AFTPH: variants seen among roughly 807,000 people sequenced by gnomAD.
AFTPH encodes aftiphilin protein.
In AFTPH, 7 loss-of-function variants were observed where a neutral mutation model predicts 72.5. That is an observed-to-expected ratio of 0.10 (90% CI 0.05 to 0.18). The LOEUF (loss-of-function observed/expected upper bound fraction) is 0.18, where lower values mean the gene tolerates loss of function less well. Among genes scored for constraint, AFTPH ranks in the 10% least tolerant of loss-of-function variants. The pLI, the probability that AFTPH is intolerant of heterozygous loss-of-function variation, is 1.00. For synonymous variants in AFTPH, 337 were observed against 370.1 expected, an observed-to-expected ratio of 0.91 and a Z score of 1.03; for missense variants, 979 against 1,060.5, an observed-to-expected ratio of 0.92 and a Z score of 1.07.
At chr2:64,539,753 TC>T (rs1406310178) in intron 1 of AFTPH, among the ~76,000 whole-genome samples, 1 of 152,100 alleles carries the variant, frequency 6.6e-6, no homozygotes, top group Admixed American at 6.5e-5. Flanking sequence ...TCATTTGAGC[TC>T]AAATAAAGTA....
chr2:64,564,856 A>T (rs13416068), intron 2 of AFTPH, among the ~76,000 whole-genome samples: 66,211 of 147,368 alleles, frequency 0.45, 15,305 homozygotes, highest in African/African-American at 0.61. Context: ...TTTTTTTTTT[A>T]AGACCAAGTC....
intron 1 of AFTPH, among the ~76,000 whole-genome samples, chr2:64,538,892 T>A (rs1276782941): frequency 1.3e-5 from 2 of 152,200 alleles, no homozygotes; most frequent in Non-Finnish European, 2.9e-5. Flanking sequence ...GGTGAGTTGC[T>A]CTCATGGTGG....
chr2:64,561,784 G>A (rs930330496), intron 2 of AFTPH, among the ~76,000 whole-genome samples: 1 of 152,160 alleles, frequency 6.6e-6, no homozygotes, highest in Non-Finnish European at 1.5e-5. Context: ...GCATTTATTT[G>A]TTACCTTCAT....
chr2:64,547,734 T>G (rs1010457460), intron 1 of AFTPH, among the ~76,000 whole-genome samples: 1 of 111,422 alleles, frequency 9.0e-6, no homozygotes, highest in Non-Finnish European at 1.7e-5. Context: ...AAGGTAGCTT[T>G]TGTATTCTTT....
At chr2:64,543,866 C>T (rs1344835218) in intron 1 of AFTPH, among the ~76,000 whole-genome samples, 1 of 152,198 alleles carries the variant, frequency 6.6e-6, no homozygotes, top group Non-Finnish European at 1.5e-5. Context: ...TCTTCTTTTC[C>T]ATGACCATTT....
chr2:64,578,888 T>C (rs1672992258), intron 6 of AFTPH: 1 of 152,276 alleles, frequency 6.6e-6, no homozygotes, highest in South Asian at 2.1e-4. Context: ...GTTTTTAAAA[T>C]TCTATGCTCG....
Position 64,569,766 on chromosome 2 carries a change from A to G in AFTPH, c.2271+87A>G, listed in dbSNP as rs140001544. On this transcript the variant is annotated intron_variant, in intron 5 of 8. Coordinates refer to ENST00000238856, the Ensembl canonical transcript of AFTPH. ...TTAAAATACACTTCTATGTCATGCTATATAAGAGACATTTAGTGTTGGAAT... is the reference window on the plus strand; with the variant it reads ...TTAAAATACACTTCTATGTCATGCTGTATAAGAGACATTTAGTGTTGGAAT... The G allele has an allele frequency of 1.8e-4, 223 of 1,230,702 alleles. 1 individual carries two copies. In the East Asian group the frequency reaches 3.6e-3, roughly 20 times the overall value. The allele number at this position is 1,230,702 out of a possible 1,614,324, so 76.2% of individuals were successfully genotyped here.
intron 1 of AFTPH, among the ~76,000 whole-genome samples, chr2:64,525,003 CCTT>C (rs1228866015): frequency 6.6e-6 from 1 of 152,238 alleles, no homozygotes; most frequent in Non-Finnish European, 1.5e-5. Context: ...TCTTCGCTCT[CCTT>C]CCCCCTCCCT....
intron 8 of AFTPH, among the ~76,000 whole-genome samples, chr2:64,589,125 A>G (rs1673674217): frequency 6.6e-6 from 1 of 152,304 alleles, no homozygotes; most frequent in East Asian, 1.9e-4. Flanking sequence ...TGCCCAATTC[A>G]TGGTCACAAA....
At chr2:64,562,900 C>T (rs1053302366) in intron 2 of AFTPH, among the ~76,000 whole-genome samples, 2 of 152,322 alleles carry the variant, frequency 1.3e-5, no homozygotes, top group Non-Finnish European at 2.9e-5. Flanking sequence ...AGAGCTCAGC[C>T]AGTGTCACTT....
chr2:64,552,097 G>A (rs1275776045), exon 2 of AFTPH: 2 of 1,614,046 alleles, frequency 1.2e-6, no homozygotes, highest in Middle Eastern at 1.7e-4. Flanking sequence ...GATTCAAAGG[G>A]ACGGAAGCCT....
chr2:64,557,830 C>T (rs540770265), intron 2 of AFTPH, among the ~76,000 whole-genome samples: 56 of 152,268 alleles, frequency 3.7e-4, no homozygotes, highest in African/African-American at 1.2e-3. Context: ...TTAACTATTT[C>T]GATAGAATTT....
intron 8 of AFTPH, among the ~76,000 whole-genome samples, chr2:64,587,727 T>C (rs575654354): frequency 4.6e-5 from 7 of 152,252 alleles, no homozygotes; most frequent in Admixed American, 1.3e-4. Flanking sequence ...TTATATGTGC[T>C]CTTCTCTTTT....
intron 7 of AFTPH, among the ~76,000 whole-genome samples, chr2:64,583,370 GTTGTC>G (rs1029929276): frequency 1.3e-4 from 19 of 146,656 alleles, no homozygotes; most frequent in Admixed American, 1.4e-4. Context: ...TTATTAAATA[GTTGTC>G]TTGTTTTTGA....
intron 1 of AFTPH, among the ~76,000 whole-genome samples, chr2:64,544,439 T>C (rs1572959991): frequency 1.3e-5 from 2 of 152,194 alleles, no homozygotes; most frequent in South Asian, 4.1e-4. Context: ...ACATGCTTGC[T>C]TGTTTGTACA....
At chr2:64,584,130 A>G (rs554359546) in intron 7 of AFTPH, among the ~76,000 whole-genome samples, 190 of 152,208 alleles carry the variant, frequency 1.2e-3, no homozygotes, top group African/African-American at 4.2e-3. Context: ...CCGGCAACTC[A>G]TGAACTTTTT....
chr2:64,587,467 C>G (rs1673584310), intron 8 of AFTPH, among the ~76,000 whole-genome samples: 1 of 152,236 alleles, frequency 6.6e-6, no homozygotes, highest in South Asian at 2.1e-4. Flanking sequence ...AGCATAATTT[C>G]AGAAAGCATT....
At chr2:64,552,522 GAAC>G (rs763286351) in exon 2 of AFTPH, 128 of 1,613,982 alleles carry the variant, frequency 7.9e-5, no homozygotes, top group Non-Finnish European at 1.0e-4. Context: ...CATTAGGAGA[GAAC>G]AATGTAAAAC....
intron 1 of AFTPH, among the ~76,000 whole-genome samples, chr2:64,539,815 G>A (rs1670114284): frequency 6.6e-6 from 1 of 152,178 alleles, no homozygotes. Flanking sequence ...GCCAGATTGT[G>A]TTGAGTTGAG....
Sources: gnomAD v4.1 joint callset for allele counts (sites outside exome capture counted in the v4.1 genomes callset) on GRCh38, gnomAD v4.1.1 for gene constraint, MANE v1.5 for transcripts, NCBI Gene and HGNC (gene_info 2026-07-23, HGNC 2026-07-21) for gene names.